TSC2: variants seen among roughly 807,000 people sequenced by gnomAD.
The protein encoded by TSC2 is TSC complex subunit 2.
Under a neutral mutation model 202.2 loss-of-function variants are expected in TSC2, and 29 were observed. That is an observed-to-expected ratio of 0.14 (90% CI 0.11 to 0.20). The LOEUF (loss-of-function observed/expected upper bound fraction) is 0.20, where lower values mean the gene tolerates loss of function less well. Among genes scored for constraint, TSC2 ranks in the 10% least tolerant of loss-of-function variants. The pLI, the probability that TSC2 is intolerant of heterozygous loss-of-function variation, is 1.00. For missense variants in TSC2, 2,429 were observed against 2,420.0 expected (o/e 1.00, Z -0.08); for synonymous variants, 1,349 against 1,044.0 (o/e 1.29, Z -5.63).
rs1555514425 is a variant in TSC2, at chr16:2,084,611, C to T, written c.4389C>T (p.Ile1463=). ...GCCTCCGGCCCCGAGGTTACACCAT[C>T]TCCGACTCGGCCCCATCACGCAGGG... ...PSGLRPRGYT[I]SDSAPSRRGK... Residue 1463 remains isoleucine (I), a synonymous_variant, in exon 34 of 42, where the codon ATC becomes ATT. Transcript: ENST00000219476. The T allele has an allele frequency of 1.9e-6, 3 of 1,602,440 alleles. No individual in the cohort carries two copies. The highest frequency in any genetic ancestry group is 2.5e-6 in the Non-Finnish European group (3 of 1,179,716).
chr16:2,068,376 C>T (rs2087699819), intron 16 of TSC2, among the ~76,000 whole-genome samples: 1 of 152,118 alleles, frequency 6.6e-6, no homozygotes, highest in South Asian at 2.1e-4. Context: ...AAAAGTAACA[C>T]AGTTGACTCT....
chr16:2,082,273 G>A lies in TSC2; in HGVS notation c.3815-163G>A. 3.9e-6 allele frequency: 3 copies of A among 773,270 alleles called. No individual in the cohort carries two copies. In the South Asian group the frequency reaches 4.5e-5, roughly 12 times the overall value. The allele number at this position is 773,270 out of a possible 1,614,324, so 47.9% of individuals were successfully genotyped here. A position where few individuals can be genotyped will look rare whatever the true frequency, so the allele number is the denominator to read the frequency against. On this transcript the variant is annotated intron_variant, in intron 31 of 41. Transcript: ENST00000219476. ...AGGAGGGAGGCACTGCCCTCCTCAG[G>A]TCTGCCCAAGCAGCTTGTAGCTAGC...
intron 16 of TSC2, among the ~76,000 whole-genome samples, chr16:2,068,300 A>G (rs919346680): frequency 6.6e-6 from 1 of 152,114 alleles, no homozygotes; most frequent in African/African-American, 2.4e-5. Flanking sequence ...CCAGACCCCC[A>G]AAGTGTTGGG....
rs375684189 is a variant in TSC2 at position 2,075,778 on chromosome 16, C to T, written c.2546-21C>T. The T allele has an allele frequency of 1.4e-4, 220 of 1,611,324 alleles. 1 individual carries two copies. The African/African-American group carries it at 2.8e-3, about 20-fold the overall frequency. On this transcript the variant is annotated intron_variant, in intron 22 of 41. Transcript: ENST00000219476. ...CTGCACGGGACCCCGGCTCCCCTGACCACCCTCTCCATTACCGCAGCTCTG... is the reference window on the plus strand; with the variant it reads ...CTGCACGGGACCCCGGCTCCCCTGATCACCCTCTCCATTACCGCAGCTCTG...
intron 16 of TSC2, among the ~76,000 whole-genome samples, chr16:2,069,040 A>C (rs2087819039): frequency 6.6e-6 from 1 of 152,142 alleles, no homozygotes; most frequent in African/African-American, 2.4e-5. Context: ...GGAGAGGCGG[A>C]AGAAAATTGG....
chr16:2,088,901 T>C lies in TSC2; in HGVS notation c.*291T>C. The C allele has an allele frequency of 2.6e-6, 1 of 379,088 alleles. No individual in the cohort carries two copies. The highest frequency in any genetic ancestry group is 4.8e-6 in the Non-Finnish European group (1 of 208,022). 23.5% of individuals were successfully genotyped at this position (379,088 alleles called of 1,614,324 possible). ...CGCGCGCACACACACACACACACAG[T>C]CACCTTCCTCCACCCTGGGAGCCAG... On this transcript the variant is annotated 3_prime_UTR_variant, in exon 42 of 42. Coordinates refer to ENST00000219476, the MANE Select transcript of TSC2 (RefSeq NM_000548.5).
rs2084676177 is a variant in TSC2 at position 2,048,676 on chromosome 16, C to G, written c.61C>G (p.Leu21Val). The change falls in exon 2 of 42, where the codon CTG becomes GTG. Residue 21 changes from leucine (L) to valine (V), a missense_variant. Coordinates refer to ENST00000219476, the MANE Select transcript of TSC2 (RefSeq NM_000548.5). ...GGAGAAGTTTAAGATTCTGTTGGGA[C>G]TGGGAACACCGAGGCCAAATCCCAG... ...LKEKFKILLG[L>V]GTPRPNPRSA... 6.2e-7 allele frequency: 1 copy of G among 1,614,026 alleles called. No homozygotes were observed. The highest frequency in any genetic ancestry group is 8.5e-7 in the Non-Finnish European group (1 of 1,180,036).
At chr16:2,060,841 G>A (rs1312369200) in intron 11 of TSC2, 28 bp downstream of exon 11, 1 of 1,611,268 alleles carries the variant, frequency 6.2e-7, no homozygotes, top group East Asian at 2.2e-5. Context: ...GCTCCGGGGA[G>A]CACCGGGAAC....
intron 32 of TSC2, chr16:2,083,241 C>T (rs1432751731): frequency 2.2e-6 from 1 of 461,348 alleles, no homozygotes; most frequent in South Asian, 1.5e-5. Flanking sequence ...GTGGGTCTGG[C>T]TTGGAGTTGG....
rs761968214 is a variant in TSC2 at position 2,072,415 on chromosome 16, C to T, written c.2220+52C>T. 64 of 1,609,016 alleles carry T rather than the reference C, an allele frequency of 4.0e-5. No individual in the cohort carries two copies. In the Admixed American group the frequency reaches 5.5e-4, roughly 14 times the overall value. On this transcript the variant is annotated intron_variant, in intron 20 of 41. Transcript: ENST00000219476. ...TGGGGGACCCAGTAGGGTTTTTCCC[C>T]AAAAGACTGCGAGCCTCTGGGCAGA...
intron 38 of TSC2, 75 bp downstream of exon 38, chr16:2,086,946 C>A: frequency 1.3e-6 from 2 of 1,542,826 alleles, no homozygotes; most frequent in Non-Finnish European, 1.7e-6. Flanking sequence ...GTGGCAGGTC[C>A]TCCTCCCTGA....
chr16:2,077,929 C>T (rs2089635655), intron 26 of TSC2, among the ~76,000 whole-genome samples: 1 of 152,162 alleles, frequency 6.6e-6, no homozygotes, highest in South Asian at 2.1e-4. Context: ...TGCACGCATC[C>T]CCAGGCCCCC....
rs1460592433 is a variant in TSC2 at position 2,087,958 on chromosome 16, C to A, written c.5068+17C>A. 3 of 1,611,672 alleles carry A rather than the reference C, an allele frequency of 1.9e-6. No homozygotes were observed. Among genetic ancestry groups the A allele is most frequent in the African/African-American group, 2.7e-5 (2 of 74,860 alleles). ...GCAGGAAAGGTAGGGCCGGGTGGGG[C>A]CCTGCAGTGCAGGAAAGGTAGGGCC... is the stretch of plus-strand genomic sequence containing the variant. On this transcript the variant is annotated intron_variant, in intron 39 of 41. Transcript: ENST00000219476.
chr16:2,075,723 G>A, intron 22 of TSC2, 76 bp from the exon 23 acceptor site: 4 of 1,500,258 alleles, frequency 2.7e-6, no homozygotes, highest in Non-Finnish European at 1.8e-6. Flanking sequence ...GCTGCCGTGG[G>A]CAGAGCAGCC....
chr16:2,087,495 G>C (rs868224699), intron 38 of TSC2, among the ~76,000 whole-genome samples: 38 of 152,010 alleles, frequency 2.5e-4, no homozygotes, highest in South Asian at 1.0e-3. Flanking sequence ...TGGGGGGGGG[G>C]GGGCACCTGG....
chr16:2,087,579 C>T (rs976536040), intron 38 of TSC2, among the ~76,000 whole-genome samples: 6 of 151,616 alleles, frequency 4.0e-5, no homozygotes, highest in South Asian at 2.1e-4. Context: ...CGGATTCGGA[C>T]GTGTGGCTGC....
rs984495309 is a variant in TSC2, at chr16:2,088,946, C to T, written c.*336C>T. The T allele has an allele frequency of 8.0e-5, 29 of 361,464 alleles. No individual in the cohort carries two copies. Among genetic ancestry groups the T allele is most frequent in the African/African-American group, 5.9e-4 (28 of 47,586 alleles). 22.4% of individuals were successfully genotyped at this position (361,464 alleles called of 1,614,324 possible). A position where few individuals can be genotyped will look rare whatever the true frequency, so the allele number is the denominator to read the frequency against. ...AGCCAGCCCCCAGGAGGAGTCTTTTCCTCTAACCACCCTGGGGTCCTCTGA... is the reference window on the plus strand; with the variant it reads ...AGCCAGCCCCCAGGAGGAGTCTTTTTCTCTAACCACCCTGGGGTCCTCTGA... On this transcript the variant is annotated 3_prime_UTR_variant, in exon 42 of 42. Coordinates refer to ENST00000219476, the MANE Select transcript of TSC2 (RefSeq NM_000548.5).
At position 2,063,060 on chromosome 16, in the gene TSC2, G is replaced by T; in HGVS notation, c.1443+7G>T. On this transcript the variant is annotated splice_region_variant and intron_variant, in intron 14 of 41. Coordinates refer to ENST00000219476, the MANE Select transcript of TSC2 (RefSeq NM_000548.5). Reference sequence around the variant, plus strand: ...CAACAGGCAGTTCTATGAGGTGCGTGTCCAGGCGGCCGCAGCTGGGGGCTC... The same window carrying T: ...CAACAGGCAGTTCTATGAGGTGCGTTTCCAGGCGGCCGCAGCTGGGGGCTC... 1.3e-6 allele frequency: 2 copies of T among 1,551,426 alleles called. No individual in the cohort carries two copies. Among genetic ancestry groups the T allele is most frequent in the Non-Finnish European group, 1.7e-6 (2 of 1,146,900 alleles).
At chr16:2,087,485 TGGG>T (rs60318294) in intron 38 of TSC2, among the ~76,000 whole-genome samples, 33,173 of 80,516 alleles carry the variant, frequency 0.41, 6,414 homozygotes, top group African/African-American at 0.61. Context: ...GACAACCAGT[TGGG>T]GGGGGGGGGG....
Sources: gnomAD v4.1 joint callset for allele counts (sites outside exome capture counted in the v4.1 genomes callset) on GRCh38, gnomAD v4.1.1 for gene constraint, MANE v1.5 for transcripts, NCBI Gene and HGNC (gene_info 2026-07-23, HGNC 2026-07-21) for gene names.